FBN1: variants seen among roughly 807,000 people sequenced by gnomAD.
FBN1 encodes the protein fibrillin-1.
In FBN1, 29 loss-of-function variants were observed where a neutral mutation model predicts 365.1. The observed-to-expected ratio is 0.08, with a 90% CI of 0.06 to 0.11. The LOEUF (loss-of-function observed/expected upper bound fraction) is 0.11, where lower values mean the gene tolerates loss of function less well. Ranked by LOEUF, FBN1 falls within the 10% of genes least tolerant of loss-of-function variation. The pLI is 1.00. For synonymous variants in FBN1, 1,210 were observed against 1,270.5 expected, an observed-to-expected ratio of 0.95 and a Z score of 1.01; for missense variants, 2,476 against 3,703.2, an observed-to-expected ratio of 0.67 and a Z score of 8.60.
chr15:48,560,319 T>C (rs2044214072), intron 6 of FBN1, among the ~76,000 whole-genome samples: 1 of 152,212 alleles, frequency 6.6e-6, no homozygotes, highest in South Asian at 2.1e-4. Flanking sequence ...CTACAAGCCT[T>C]ATTCAAATCA....
intron 55 of FBN1, among the ~76,000 whole-genome samples, chr15:48,432,350 G>C (rs1254764640): frequency 6.6e-6 from 1 of 152,148 alleles, no homozygotes; most frequent in African/African-American, 2.4e-5. Context: ...TTGTGAAATA[G>C]AGCCTAGTTC....
chr15:48,590,316 C>G (rs1373114980), intron 6 of FBN1, among the ~76,000 whole-genome samples: 1 of 152,098 alleles, frequency 6.6e-6, no homozygotes, highest in African/African-American at 2.4e-5. Flanking sequence ...AAAGTTTTTA[C>G]TTTCTTTTTC....
At chr15:48,625,772 C>T (rs1889864208) in intron 2 of FBN1, among the ~76,000 whole-genome samples, 1 of 152,200 alleles carries the variant, frequency 6.6e-6, no homozygotes, top group Non-Finnish European at 1.5e-5. Flanking sequence ...TATTTGGTGA[C>T]TTTAGTCTCA....
intron 2 of FBN1, among the ~76,000 whole-genome samples, chr15:48,636,427 A>G (rs1890093246): frequency 1.3e-5 from 2 of 152,204 alleles, no homozygotes. Flanking sequence ...ATGTGGGATT[A>G]ACACATGTGA....
At chr15:48,597,525 G>C (rs185623010) in intron 5 of FBN1, among the ~76,000 whole-genome samples, 9 of 152,252 alleles carry the variant, frequency 5.9e-5, no homozygotes, top group Admixed American at 5.2e-4. Flanking sequence ...CCTTGCACAG[G>C]ATCAGACAGG....
chr15:48,642,481 T>C (rs999307807), intron 2 of FBN1: 1 of 152,184 alleles, frequency 6.6e-6, no homozygotes, highest in Admixed American at 6.5e-5. Context: ...GCATGTACAA[T>C]ACATTCCATG....
chr15:48,559,281 T>C (rs760807218), intron 6 of FBN1, among the ~76,000 whole-genome samples: 2 of 152,188 alleles, frequency 1.3e-5, no homozygotes, highest in Non-Finnish European at 2.9e-5. Context: ...ACAAATATAT[T>C]ATGTCTAAAG....
chr15:48,621,095 T>C (rs1889758179), intron 2 of FBN1, among the ~76,000 whole-genome samples: 1 of 152,174 alleles, frequency 6.6e-6, no homozygotes, highest in South Asian at 2.1e-4. Context: ...TATCCATAAG[T>C]CCATACTGAT....
At chr15:48,482,106 G>A (rs1460937242) in intron 31 of FBN1, among the ~76,000 whole-genome samples, 1 of 152,168 alleles carries the variant, frequency 6.6e-6, no homozygotes, top group East Asian at 1.9e-4. Context: ...AGGATGAAAA[G>A]TTTAATTCAG....
chr15:48,498,241 T>C (rs535443599), intron 18 of FBN1, among the ~76,000 whole-genome samples: 1 of 152,284 alleles, frequency 6.6e-6, no homozygotes, highest in South Asian at 2.1e-4. Flanking sequence ...TTATTCGTTA[T>C]AAGTTTCCTT....
chr15:48,432,601 C>T (rs926024505), intron 55 of FBN1, among the ~76,000 whole-genome samples: 10 of 152,016 alleles, frequency 6.6e-5, no homozygotes, highest in African/African-American at 2.4e-4. Context: ...TTTCTATTCC[C>T]ATATCTTGTA....
intron 18 of FBN1, 46 bp downstream of exon 18, chr15:48,498,939 G>A (rs765423276): frequency 4.5e-6 from 7 of 1,570,998 alleles, no homozygotes; most frequent in South Asian, 3.3e-5. Flanking sequence ...GCCTGATGCT[G>A]CCTCTGCACA....
intron 18 of FBN1, among the ~76,000 whole-genome samples, chr15:48,498,259 C>T (rs1482164323): frequency 6.6e-6 from 1 of 152,034 alleles, no homozygotes; most frequent in Admixed American, 6.6e-5. Flanking sequence ...CTTACCTCTC[C>T]TCTTTCCTCC....
chr15:48,412,877 G>A, intron 64 of FBN1, 134 bp from the exon 65 acceptor site: 1 of 1,048,308 alleles, frequency 9.5e-7, no homozygotes, highest in Non-Finnish European at 1.5e-6. Context: ...GGATCAGCTA[G>A]TTCTGAGAAC....
intron 6 of FBN1, among the ~76,000 whole-genome samples, chr15:48,544,785 C>T (rs1246940380): frequency 2.6e-5 from 4 of 152,116 alleles, no homozygotes. Flanking sequence ...ATTATTTGTT[C>T]CTTCACTATA....
intron 2 of FBN1, among the ~76,000 whole-genome samples, chr15:48,623,370 CTTGA>C (rs992842527): frequency 2.0e-5 from 3 of 152,164 alleles, no homozygotes; most frequent in Non-Finnish European, 4.4e-5. Flanking sequence ...GGTTTTGTGC[CTTGA>C]TTATTTCACT....
At chr15:48,510,300 C>A in intron 13 of FBN1, 131 bp from the exon 14 acceptor site, 3 of 838,686 alleles carry the variant, frequency 3.6e-6, no homozygotes, top group Non-Finnish European at 5.7e-6. Flanking sequence ...TATTCTCCAA[C>A]ATAAATTGGT....
At chr15:48,412,867 G>T in intron 64 of FBN1, 124 bp from the exon 65 acceptor site, 1 of 1,124,302 alleles carries the variant, frequency 8.9e-7, no homozygotes, top group Non-Finnish European at 1.3e-6. Flanking sequence ...GTCCACTGGA[G>T]GATCAGCTAG....
intron 13 of FBN1, among the ~76,000 whole-genome samples, 184 bp downstream of exon 13, chr15:48,513,365 A>G (rs547266076): frequency 1.3e-5 from 2 of 152,202 alleles, no homozygotes; most frequent in Non-Finnish European, 2.9e-5. Flanking sequence ...AATAACTTCA[A>G]TGCTTGCCAG....
Sources: allele counts gnomAD v4.1 joint callset (sites outside exome capture counted in the v4.1 genomes callset), GRCh38; gene constraint gnomAD v4.1.1; transcripts MANE v1.5; gene names NCBI Gene and HGNC (gene_info 2026-07-23, HGNC 2026-07-21).